CIT: variants seen among roughly 807,000 people sequenced by gnomAD.
The protein encoded by CIT is citron rho-interacting serine/threonine kinase.
In CIT, 79 loss-of-function variants were observed where a neutral mutation model predicts 272.7. That is an observed-to-expected ratio of 0.29 (90% CI 0.24 to 0.35). CIT has a LOEUF of 0.35. Ranked by LOEUF, CIT falls within the 10% of genes least tolerant of loss-of-function variation. The pLI is 1.00. For missense variants in CIT, 1,909 were observed against 2,618.3 expected (o/e 0.73, Z 5.91); for synonymous variants, 948 against 995.6 (o/e 0.95, Z 0.90).
intron 10 of CIT, among the ~76,000 whole-genome samples, chr12:119,791,202 C>T (rs1965278415): frequency 6.6e-6 from 1 of 152,174 alleles, no homozygotes; most frequent in Non-Finnish European, 1.5e-5. Context: ...AGCTAGATGG[C>T]CTTGGACACA....
intron 8 of CIT, among the ~76,000 whole-genome samples, chr12:119,824,038 C>CAAAAAAA (rs33990395): frequency 2.0e-5 from 1 of 50,708 alleles, no homozygotes; most frequent in Admixed American, 3.4e-4. Flanking sequence ...GACTCCATCT[C>CAAAAAAA]AAAAAAAAAA....
Position 119,718,152 on chromosome 12 carries a change from T to G in CIT, c.4168+93A>C, listed in dbSNP as rs1957630809. ...ACCGTGCCTGGCCAAGACTGACTTT[T>G]TAATCTTTAACCCCTAGTATTACTT... is the stretch of plus-strand genomic sequence containing the variant. On this transcript the variant is annotated intron_variant, in intron 32 of 47. Coordinates refer to ENST00000392521, the MANE Select transcript of CIT (RefSeq NM_001206999.2). This position sits in a 1 kb window ranked among gnomAD's most constrained non-coding sequence, Gnocchi z 4.8. 7.0e-7 allele frequency: 1 copy of G among 1,418,658 alleles called. No homozygotes were observed. Among genetic ancestry groups the G allele is most frequent in the Non-Finnish European group, 9.4e-7 (1 of 1,060,738 alleles). 87.9% of individuals were successfully genotyped at this position (1,418,658 alleles called of 1,614,324 possible).
At chr12:119,844,058 G>A (rs1217031278) in intron 5 of CIT, among the ~76,000 whole-genome samples, 3 of 120,576 alleles carry the variant, frequency 2.5e-5, no homozygotes, top group Admixed American at 9.4e-5. Context: ...TTCTTGCTTT[G>A]TCGCCCAGGC....
At chr12:119,751,588 G>T (rs1250865631) in intron 23 of CIT, among the ~76,000 whole-genome samples, 2 of 141,090 alleles carry the variant, frequency 1.4e-5, no homozygotes, top group African/African-American at 2.7e-5. Context: ...ACAAAAGACA[G>T]GAAGCAGAAT....
In CIT at chr12:119,713,602, G is replaced by T; in HGVS notation, c.4353C>A (p.Ala1451=). The T allele has an allele frequency of 1.2e-6, 2 of 1,614,246 alleles. No individual in the cohort carries two copies. Among genetic ancestry groups the T allele is most frequent in the South Asian group, 1.1e-5 (1 of 91,088 alleles). ...CATATTCAGCAGGCAAGCCGCAGGT[G>T]GCTGGCAAGCACGTGGAGCACTTGG... is the stretch of plus-strand genomic sequence containing the variant. ...CHPKCSTCLP[A]TCGLPAEYAT... The change falls in exon 34 of 48, where the codon GCC becomes GCA. Residue 1451 remains alanine, a synonymous_variant. Coordinates refer to ENST00000392521, the MANE Select transcript of CIT (RefSeq NM_001206999.2). The surrounding 1 kb of genome is among the most constrained non-coding windows in gnomAD (Gnocchi z 5.2).
At chr12:119,731,138 A>C (rs1022523319) in intron 26 of CIT, among the ~76,000 whole-genome samples, 3 of 151,852 alleles carry the variant, frequency 2.0e-5, no homozygotes, top group African/African-American at 7.3e-5. Flanking sequence ...AAACAAAACA[A>C]AAACAAAAAC....
At chr12:119,752,669 A>G (rs1270358318) in intron 22 of CIT, among the ~76,000 whole-genome samples, 1 of 152,232 alleles carries the variant, frequency 6.6e-6, no homozygotes, top group African/African-American at 2.4e-5. Flanking sequence ...ACTGAATTCT[A>G]TTTATTTTAA....
chr12:119,758,493 A>G, intron 21 of CIT, 98 bp downstream of exon 21: 1 of 659,722 alleles, frequency 1.5e-6, no homozygotes, highest in Admixed American at 2.3e-5. Context: ...AAGTCATTCA[A>G]TCCACTCCAG....
chr12:119,738,818 G>A (rs1269135107), intron 24 of CIT, among the ~76,000 whole-genome samples: 2 of 150,422 alleles, frequency 1.3e-5, no homozygotes, highest in Admixed American at 6.6e-5. Flanking sequence ...GGGAGGCGGA[G>A]GTTGTGGTGA....
chr12:119,754,318 T>C (rs1184434922), intron 22 of CIT, among the ~76,000 whole-genome samples: 2 of 152,218 alleles, frequency 1.3e-5, no homozygotes, highest in Non-Finnish European at 2.9e-5. Flanking sequence ...TGTTGCTGTA[T>C]TCCTGCAACA....
intron 17 of CIT, among the ~76,000 whole-genome samples, chr12:119,771,802 A>AC (rs1327488473): frequency 6.6e-6 from 1 of 152,104 alleles, no homozygotes; most frequent in Admixed American, 6.5e-5. Context: ...TGAACAGGAG[A>AC]CGTATGGCTG....
At chr12:119,855,011 C>A (rs1025903328) in intron 4 of CIT, among the ~76,000 whole-genome samples, 1 of 152,158 alleles carries the variant, frequency 6.6e-6, no homozygotes, top group African/African-American at 2.4e-5. Flanking sequence ...ATGGTCCCAG[C>A]TACTTAAGAG....
intron 10 of CIT, among the ~76,000 whole-genome samples, chr12:119,789,889 G>A (rs1027921822): frequency 1.5e-5 from 2 of 135,066 alleles, no homozygotes; most frequent in Non-Finnish European, 3.2e-5. Flanking sequence ...TTTTTTTTTT[G>A]TATTCTAGTA....
chr12:119,802,554 C>T (rs1331925748), intron 10 of CIT, among the ~76,000 whole-genome samples: 1 of 152,094 alleles, frequency 6.6e-6, no homozygotes, highest in Non-Finnish European at 1.5e-5. Flanking sequence ...GAATCAATGA[C>T]TCGGCTACAT....
At chr12:119,822,597 A>C (rs569737846) in intron 9 of CIT, among the ~76,000 whole-genome samples, 1 of 152,246 alleles carries the variant, frequency 6.6e-6, no homozygotes, top group African/African-American at 2.4e-5. Context: ...TAAAGGCCAC[A>C]TAAACACAGA....
chr12:119,792,960 CAAAAATAAAAT>C (rs967930927), intron 10 of CIT, among the ~76,000 whole-genome samples: 7 of 151,840 alleles, frequency 4.6e-5, no homozygotes, highest in Middle Eastern at 3.4e-3. Flanking sequence ...GACTCCGTCT[CAAAAATAAAAT>C]AAAAATAAAA....
At chr12:119,717,910 C>T (rs7132952) in intron 32 of CIT, among the ~76,000 whole-genome samples, 74,671 of 139,160 alleles carry the variant, frequency 0.54, 20,059 homozygotes, top group Admixed American at 0.6. Context: ...GGCGCAATCT[C>T]GGCTACCGCA....
chr12:119,706,530 CAT>C (rs762535013), intron 40 of CIT, among the ~76,000 whole-genome samples: 20 of 151,874 alleles, frequency 1.3e-4, no homozygotes, highest in Non-Finnish European at 2.4e-4. Flanking sequence ...TAAGTGAAAA[CAT>C]GTGGTATTTG....
intron 21 of CIT, among the ~76,000 whole-genome samples, chr12:119,758,313 G>A (rs376369539): frequency 1.3e-4 from 20 of 152,190 alleles, no homozygotes; most frequent in African/African-American, 4.8e-4. Flanking sequence ...AACAAGAACT[G>A]CAGCTTTCCA....
Sources: gnomAD v4.1 joint callset for allele counts (sites outside exome capture counted in the v4.1 genomes callset) on GRCh38, gnomAD v4.1.1 for gene constraint, Gnocchi (gnomAD v3.1) non-coding constraint, MANE v1.5 for transcripts, NCBI Gene and HGNC (gene_info 2026-07-23, HGNC 2026-07-21) for gene names.